TMEM108: variants seen among roughly 807,000 people sequenced by gnomAD.
TMEM108 encodes transmembrane protein 108.
Under a neutral mutation model 35.1 loss-of-function variants are expected in TMEM108, and 12 were observed. The observed-to-expected ratio is 0.34, with a 90% CI of 0.22 to 0.55. The LOEUF (loss-of-function observed/expected upper bound fraction) is 0.55. Among genes scored for constraint, TMEM108 ranks in the 20% least tolerant of loss-of-function variants. The probability of loss-of-function intolerance (pLI) is 0.89; values close to 1 mark genes in which losing one functional copy is unlikely to be tolerated. For synonymous variants in TMEM108, 287 were observed against 308.6 expected (o/e 0.93, Z 0.73); for missense variants, 680 against 753.3 (o/e 0.90, Z 1.14).
intron 2 of TMEM108, among the ~76,000 whole-genome samples, chr3:133,124,620 T>A (rs1944392407): frequency 6.6e-6 from 1 of 152,192 alleles, no homozygotes; most frequent in Admixed American, 6.5e-5. Flanking sequence ...CCCCTGAGTG[T>A]GTTTTAAAAG....
intron 4 of TMEM108, chr3:133,387,089 T>A: frequency 2.0e-6 from 2 of 985,530 alleles, no homozygotes; most frequent in South Asian, 9.4e-5. Flanking sequence ...TAGGTGGAGC[T>A]TTGTCCTTGA....
At chr3:133,351,209 GT>G (rs2071985887) in intron 3 of TMEM108, among the ~76,000 whole-genome samples, 1 of 152,110 alleles carries the variant, frequency 6.6e-6, no homozygotes, top group Non-Finnish European at 1.5e-5. Context: ...CTATGCCTTG[GT>G]TTTCAGGTTT....
intron 3 of TMEM108, among the ~76,000 whole-genome samples, chr3:133,251,386 G>GTC (rs1191738811): frequency 1.3e-5 from 2 of 152,126 alleles, no homozygotes; most frequent in Non-Finnish European, 1.5e-5. Context: ...TTAAGATAAG[G>GTC]TCTCTAAAGA....
chr3:133,162,916 T>C (rs950049543), intron 2 of TMEM108, among the ~76,000 whole-genome samples: 2 of 152,234 alleles, frequency 1.3e-5, no homozygotes, highest in African/African-American at 4.8e-5. Context: ...TGAAACAGTT[T>C]GCTGGGTATG....
intron 2 of TMEM108, among the ~76,000 whole-genome samples, chr3:133,122,760 G>A (rs1277743842): frequency 1.3e-5 from 2 of 151,824 alleles, no homozygotes; most frequent in African/African-American, 4.8e-5. Context: ...CTACTCGGGA[G>A]GCTGAGGCAG....
At chr3:133,071,437 C>A (rs1943674957) in intron 2 of TMEM108, among the ~76,000 whole-genome samples, 1 of 152,144 alleles carries the variant, frequency 6.6e-6, no homozygotes, top group South Asian at 2.1e-4. Flanking sequence ...CTAATGAAAT[C>A]ATTTTAACTT....
intron 2 of TMEM108, among the ~76,000 whole-genome samples, chr3:133,089,187 G>A (rs115185251): frequency 0.03 from 4,608 of 152,160 alleles, 123 homozygotes; most frequent in South Asian, 0.065. Flanking sequence ...CTCCCACCAG[G>A]CCCCTCCTCT....
intron 2 of TMEM108, among the ~76,000 whole-genome samples, chr3:133,102,553 T>TA (rs1373494628): frequency 6.6e-6 from 1 of 152,212 alleles, no homozygotes; most frequent in African/African-American, 2.4e-5. Context: ...CTCCCTAGAA[T>TA]AGACTGTGAG....
chr3:133,085,764 AT>A (rs79002892), intron 2 of TMEM108, among the ~76,000 whole-genome samples: 4 of 150,560 alleles, frequency 2.7e-5, no homozygotes, highest in East Asian at 1.9e-4. Context: ...AATTACTTTT[AT>A]TTTTTTTTCT....
chr3:133,280,710 A>G (rs1483807641), intron 3 of TMEM108, among the ~76,000 whole-genome samples: 1 of 152,196 alleles, frequency 6.6e-6, no homozygotes, highest in Non-Finnish European at 1.5e-5. Context: ...CAAGCCAGCA[A>G]CCTGGACCAG....
At chr3:133,365,380 C>T (rs1219394541) in intron 3 of TMEM108, among the ~76,000 whole-genome samples, 1 of 152,286 alleles carries the variant, frequency 6.6e-6, no homozygotes, top group East Asian at 1.9e-4. Flanking sequence ...TTCTGTAATT[C>T]TGGCATTTAT....
chr3:133,382,566 G>A (rs1055338803), intron 4 of TMEM108, among the ~76,000 whole-genome samples: 1 of 152,204 alleles, frequency 6.6e-6, no homozygotes, highest in African/African-American at 2.4e-5. Context: ...AGCCGATGGT[G>A]GACTCTTTCT....
chr3:133,150,729 T>C (rs1004992283), intron 2 of TMEM108, among the ~76,000 whole-genome samples: 1 of 152,176 alleles, frequency 6.6e-6, no homozygotes, highest in African/African-American at 2.4e-5. Context: ...TAGAAGTTTC[T>C]AAACTGAGGT....
At chr3:133,257,771 T>G (rs1258527541) in intron 3 of TMEM108, among the ~76,000 whole-genome samples, 6 of 152,216 alleles carry the variant, frequency 3.9e-5, no homozygotes, top group Non-Finnish European at 8.8e-5. Flanking sequence ...ACTGCCTAGT[T>G]GTAAACTTCA....
At chr3:133,186,100 C>T (rs888576468) in intron 2 of TMEM108, among the ~76,000 whole-genome samples, 90 of 152,188 alleles carry the variant, frequency 5.9e-4, no homozygotes, top group Admixed American at 3.9e-4. Flanking sequence ...TCAGAGGATG[C>T]AGTGTCAAAA....
intron 2 of TMEM108, among the ~76,000 whole-genome samples, chr3:133,135,956 A>G (rs139143175): frequency 6.6e-6 from 1 of 152,300 alleles, no homozygotes; most frequent in East Asian, 1.9e-4. Flanking sequence ...AGAAGAATTA[A>G]TATTTGAGAT....
In TMEM108 at chr3:133,379,856, A is replaced by T. The variant is rs1234385456; in HGVS notation, c.145A>T (p.Thr49Ser). Residue 49 changes from threonine (T) to serine (S), a missense_variant, in exon 4 of 6, where the codon ACC becomes TCC. Coordinates refer to ENST00000321871, the MANE Select transcript of TMEM108 (RefSeq NM_023943.4). ...QVLPSGTPPG[T>S]MVTAPHSSTR... is the part of the protein sequence containing the mutation. ...CCTCCCTTCAGGCACTCCCCCGGGA[A>T]CCATGGTGACAGCACCCCACAGCTC... The T allele has an allele frequency of 6.2e-7, 1 of 1,613,896 alleles. No homozygotes were observed. The highest frequency in any genetic ancestry group is 1.7e-5 in the Admixed American group (1 of 60,012).
intron 3 of TMEM108, among the ~76,000 whole-genome samples, chr3:133,370,921 T>TGTGTGTGTGTGTGTGTGCGCGC: frequency 7.2e-6 from 1 of 139,402 alleles, no homozygotes; most frequent in South Asian, 2.4e-4. Flanking sequence ...TGTGTGTGTG[T>TGTGTGTGTGTGTGTGTGCGCGC]GCCAGGAAGC....
intron 3 of TMEM108, among the ~76,000 whole-genome samples, chr3:133,229,630 T>C (rs1946121969): frequency 6.6e-6 from 1 of 152,206 alleles, no homozygotes; most frequent in Non-Finnish European, 1.5e-5. Context: ...AACTCCATTA[T>C]AATAATTCTA....
Sources: gnomAD v4.1 joint callset for allele counts (sites outside exome capture counted in the v4.1 genomes callset) on GRCh38, gnomAD v4.1.1 for gene constraint, MANE v1.5 for transcripts, NCBI Gene and HGNC (gene_info 2026-07-23, HGNC 2026-07-21) for gene names.